The following STAU2 variants were observed in gnomAD, a reference collection of about 807,000 sequenced individuals.
STAU2 encodes double-stranded RNA-binding protein Staufen homolog 2.
In STAU2, 20 loss-of-function variants were observed where a neutral mutation model predicts 65.9. That is an observed-to-expected ratio of 0.30 (90% CI 0.21 to 0.44). STAU2 has a LOEUF of 0.44. Among genes scored for constraint, STAU2 ranks in the 20% least tolerant of loss-of-function variants. The pLI is 1.00. For synonymous variants in STAU2, 232 were observed against 233.9 expected, an observed-to-expected ratio of 0.99 and a Z score of 0.07; for missense variants, 558 against 683.9, an observed-to-expected ratio of 0.82 and a Z score of 2.05.
At chr8:73,617,813 C>T (rs530475161) in intron 6 of STAU2, among the ~76,000 whole-genome samples, 6 of 152,014 alleles carry the variant, frequency 3.9e-5, no homozygotes, top group East Asian at 1.9e-4. Context: ...ACTGTTCAGG[C>T]GACAACATGT....
chr8:73,434,485 G>T (rs1817552001), intron 13 of STAU2, among the ~76,000 whole-genome samples: 1 of 151,908 alleles, frequency 6.6e-6, no homozygotes, highest in African/African-American at 2.4e-5. Context: ...AAGGAAGGGA[G>T]AGGGCTTGGC....
intron 6 of STAU2, among the ~76,000 whole-genome samples, chr8:73,647,558 G>A (rs1274366569): frequency 6.6e-6 from 1 of 151,786 alleles, no homozygotes; most frequent in Non-Finnish European, 1.5e-5. Flanking sequence ...GAAGAGCTTT[G>A]TGGTGACAGA....
At chr8:73,546,980 T>A (rs1242029795) in intron 13 of STAU2, among the ~76,000 whole-genome samples, 1 of 152,358 alleles carries the variant, frequency 6.6e-6, no homozygotes, top group Admixed American at 6.5e-5. Flanking sequence ...AGTAGTAGAA[T>A]TTTCATGTTG....
At chr8:73,688,202 G>T in intron 5 of STAU2, among the ~76,000 whole-genome samples, 1 of 142,670 alleles carries the variant, frequency 7.0e-6, no homozygotes, top group African/African-American at 2.6e-5. Context: ...TTGAGATGGA[G>T]TTTCGCTCTT....
chr8:73,428,599 C>A (rs1055343694), intron 13 of STAU2, among the ~76,000 whole-genome samples: 1 of 152,116 alleles, frequency 6.6e-6, no homozygotes, highest in Admixed American at 6.5e-5. Context: ...TAGGGCTTCT[C>A]GGTCCTGTTT....
intron 3 of STAU2, among the ~76,000 whole-genome samples, chr8:73,720,599 G>A (rs1448531150): frequency 1.3e-5 from 1 of 75,144 alleles, no homozygotes; most frequent in African/African-American, 6.0e-5. Context: ...TGCAAGCTCC[G>A]CTTCCCGGGT....
At chr8:73,732,155 T>C (rs906746864) in intron 3 of STAU2, among the ~76,000 whole-genome samples, 4 of 152,188 alleles carry the variant, frequency 2.6e-5, no homozygotes, top group African/African-American at 9.7e-5. Flanking sequence ...GTTCACATGC[T>C]GTTGGCTAGA....
chr8:73,538,691 T>C (rs1271984514), intron 13 of STAU2, among the ~76,000 whole-genome samples: 1 of 140,498 alleles, frequency 7.1e-6, no homozygotes, highest in Admixed American at 7.3e-5. Context: ...AAAAAAAAAA[T>C]AGTAACATAG....
At chr8:73,523,951 G>T (rs1823204798) in intron 13 of STAU2, among the ~76,000 whole-genome samples, 3 of 152,152 alleles carry the variant, frequency 2.0e-5, no homozygotes, top group Non-Finnish European at 4.4e-5. Flanking sequence ...GGACGCTGAG[G>T]TGGGAGGATT....
At chr8:73,596,729 G>T (rs1387251551) in intron 10 of STAU2, among the ~76,000 whole-genome samples, 1 of 152,050 alleles carries the variant, frequency 6.6e-6, no homozygotes, top group African/African-American at 2.4e-5. Flanking sequence ...CATGGCTGTA[G>T]TCCCAGCTAC....
chr8:73,507,779 A>G (rs1585896623), intron 13 of STAU2, among the ~76,000 whole-genome samples: 1 of 152,340 alleles, frequency 6.6e-6, no homozygotes, highest in East Asian at 1.9e-4. Flanking sequence ...GTGTAACTAC[A>G]GTCTTCAATG....
chr8:73,667,409 T>C (rs920598244), intron 6 of STAU2, among the ~76,000 whole-genome samples: 3 of 152,278 alleles, frequency 2.0e-5, no homozygotes, highest in East Asian at 3.9e-4. Context: ...ACTTCACTCT[T>C]CTCATTCCAG....
Position 73,673,089 on chromosome 8 carries a change from CA to C in STAU2, c.410+17del. The stretch of plus-strand genomic sequence containing the variant: ...ATAAAATAATAATTAAGAACAAAAC[CA>C]AAAAAGACATACAAACCTCTGATTG... On this transcript the variant is annotated intron_variant, in intron 6 of 14. Coordinates refer to ENST00000524300, the MANE Select transcript of STAU2 (RefSeq NM_001164380.2). 5.9e-6 allele frequency: 9 copies of C among 1,528,100 alleles called. No homozygotes were observed. The highest frequency in any genetic ancestry group is 1.3e-5 in the South Asian group (1 of 77,838). 94.7% of individuals were successfully genotyped at this position (1,528,100 alleles called of 1,614,324 possible).
chr8:73,451,068 C>A (rs940900509), intron 13 of STAU2, among the ~76,000 whole-genome samples: 5 of 152,312 alleles, frequency 3.3e-5, no homozygotes, highest in Non-Finnish European at 7.4e-5. Context: ...CACACGCTGC[C>A]GGCAAAGCCT....
chr8:73,613,652 T>C (rs1812630197), intron 9 of STAU2, 92 bp downstream of exon 9: 1 of 936,586 alleles, frequency 1.1e-6, no homozygotes, highest in Non-Finnish European at 1.6e-6. Context: ...AGTCCATAAG[T>C]TCAGGGATCT....
chr8:73,697,311 G>GT (rs1819752401), intron 4 of STAU2: 1 of 152,170 alleles, frequency 6.6e-6, no homozygotes, highest in African/African-American at 2.4e-5. Context: ...CTTTCACCTA[G>GT]AATAGTATAT....
intron 13 of STAU2, among the ~76,000 whole-genome samples, chr8:73,472,292 A>T (rs1820078765): frequency 6.6e-6 from 1 of 152,244 alleles, no homozygotes; most frequent in Non-Finnish European, 1.5e-5. Context: ...GCATGGAGAT[A>T]TAACTGTGAA....
In STAU2 at chr8:73,422,652, G is replaced by A. The variant is rs765335940; in HGVS notation, c.1581C>T (p.Ile527=). The change falls in exon 14 of 15, where the codon ATC becomes ATT. Residue 527 remains isoleucine, a synonymous_variant. Transcript: ENST00000524300. The part of the protein sequence containing the change: ...KQFSEQGLDP[I]DGAMNIEKGS... Reference sequence around the variant, plus strand: ...CTTTTTCGATATTCATTGCTCCATCGATTGGATCCAGTCCTTGTTCAGAAA... The same window carrying A: ...CTTTTTCGATATTCATTGCTCCATCAATTGGATCCAGTCCTTGTTCAGAAA... 108 of 1,512,394 alleles carry A rather than the reference G, an allele frequency of 7.1e-5. 2 individuals are homozygous for A. The highest frequency in any genetic ancestry group is 6.7e-4 in the Middle Eastern group (4 of 5,958). 93.7% of individuals were successfully genotyped at this position (1,512,394 alleles called of 1,614,324 possible). A position where few individuals can be genotyped will look rare whatever the true frequency, so the allele number is the denominator to read the frequency against.
At chr8:73,680,955 A>G (rs1303617111) in intron 5 of STAU2, among the ~76,000 whole-genome samples, 1 of 152,034 alleles carries the variant, frequency 6.6e-6, no homozygotes, top group Non-Finnish European at 1.5e-5. Flanking sequence ...AAAGCCTCCA[A>G]GAAGTTTGGG....
Sources: gnomAD v4.1 joint callset for allele counts (sites outside exome capture counted in the v4.1 genomes callset) on GRCh38, gnomAD v4.1.1 for gene constraint, MANE v1.5 for transcripts, NCBI Gene and HGNC (gene_info 2026-07-23, HGNC 2026-07-21) for gene names.